Variants in ATRX observed in about 807,000 individuals in gnomAD.
ATRX encodes the protein chromatin remodeler ATRX.
ATRX carries 12 observed loss-of-function variants against 172.6 expected under a neutral mutation model. The ratio of observed to expected loss-of-function variants is 0.07; its 90% CI spans 0.04 to 0.11. ATRX has a LOEUF of 0.11. ATRX is among the 10% of genes least tolerant of loss of function. The probability of loss-of-function intolerance (pLI) is 1.00; values close to 1 mark genes in which losing one functional copy is unlikely to be tolerated. For missense variants in ATRX, 1,368 were observed against 1,767.4 expected (o/e 0.77, Z 4.05); for synonymous variants, 674 against 594.7 (o/e 1.13, Z -1.94).
At chrX:77,694,123 GTTTA>G (rs1161003777) in intron 5 of ATRX, among the ~76,000 whole-genome samples, 186 bp from the exon 6 acceptor site, 2 of 112,118 alleles carry the variant, frequency 1.8e-5, no homozygotes, top group African/African-American at 3.2e-5. Flanking sequence ...GGTGTCAACA[GTTTA>G]TTTGTTGAAA....
In ATRX at chrX:77,600,552, T is replaced by G. The variant is rs45439799; in HGVS notation, c.5579A>C (p.Asn1860Thr). Residue 1860 changes from asparagine (N) to threonine (T), a missense_variant, in exon 23 of 35, where the codon AAT (asparagine) becomes ACT (threonine). Coordinates refer to ENST00000373344, the MANE Select transcript of ATRX (RefSeq NM_000489.6). ...TGCCTTTCCTCTTCCACCTTCACTA[T>G]TATTGCCCACACCTGATCAAAAGAA... is the stretch of plus-strand genomic sequence containing the variant. ...YLDHLTGVGNNSEGGRGKAGA... is the reference protein window; with the variant it reads ...YLDHLTGVGNTSEGGRGKAGA... 31 of 1,210,775 alleles carry G rather than the reference T, an allele frequency of 2.6e-5. No individual in the cohort carries two copies. Among genetic ancestry groups the G allele is most frequent in the Non-Finnish European group, 3.4e-5 (30 of 894,820 alleles).
intron 15 of ATRX, chrX:77,651,865 A>AG: frequency 2.7e-6 from 1 of 368,351 alleles, no homozygotes; most frequent in East Asian, 4.7e-5. Flanking sequence ...TCTAAAAAAA[A>AG]GAAATCTGTG....
intron 1 of ATRX, among the ~76,000 whole-genome samples, chrX:77,759,820 T>C (rs1375777416): frequency 8.9e-6 from 1 of 112,055 alleles, no homozygotes; most frequent in Non-Finnish European, 1.9e-5. Context: ...ATTTCAAATA[T>C]ATATTTAAAT....
intron 22 of ATRX, among the ~76,000 whole-genome samples, chrX:77,609,586 C>T (rs2067066554): frequency 8.9e-6 from 1 of 112,244 alleles, no homozygotes; most frequent in Non-Finnish European, 1.9e-5. Context: ...CAGATTCAAG[C>T]GATTCTCCTG....
chrX:77,540,866 A>G (rs782387851), intron 30 of ATRX, among the ~76,000 whole-genome samples: 44 of 112,170 alleles, frequency 3.9e-4, no homozygotes, highest in Middle Eastern at 4.6e-3. Flanking sequence ...AGACAGCAGG[A>G]AAGATCTAAA....
chrX:77,736,154 G>A (rs1005554865), intron 1 of ATRX, among the ~76,000 whole-genome samples: 1 of 111,601 alleles, frequency 9.0e-6, no homozygotes, highest in African/African-American at 3.3e-5. Flanking sequence ...CCATTAGTCT[G>A]GGCAAAATTT....
rs182832258 is a variant in ATRX at position 77,528,196 on chromosome X, C to T, written c.6700-4795G>A. Among the ~76,000 whole-genome samples, 10 of 111,173 alleles carry T rather than the reference C, an allele frequency of 9.0e-5. No individual in the cohort carries two copies. The South Asian group carries it at 2.7e-3, about 30-fold the overall frequency. ...GCTGCCTTGCCAGATTGTAGCCAGA[C>T]TGCTTCTTTGACAGGTCCCGACCCA... On this transcript the variant is annotated intron_variant, in intron 30 of 34. Coordinates refer to ENST00000373344, the MANE Select transcript of ATRX (RefSeq NM_000489.6).
At chrX:77,550,865 G>A (rs1260977663) in intron 30 of ATRX, among the ~76,000 whole-genome samples, 2 of 110,452 alleles carry the variant, frequency 1.8e-5, no homozygotes, top group Admixed American at 9.7e-5. Context: ...CCCATTCTCA[G>A]TTGCTTCAAA....
At chrX:77,689,846 C>A (rs188358229) in intron 6 of ATRX, among the ~76,000 whole-genome samples, 29 of 112,108 alleles carry the variant, frequency 2.6e-4, no homozygotes, top group Non-Finnish European at 4.9e-4. Context: ...GCAACCAAGA[C>A]CTTGATCAAA....
intron 27 of ATRX, among the ~76,000 whole-genome samples, chrX:77,581,286 T>A (rs1557073776): frequency 9.0e-6 from 1 of 111,410 alleles, no homozygotes; most frequent in African/African-American, 3.3e-5. Flanking sequence ...CAATGGATTT[T>A]AAAAAATACC....
chrX:77,591,525 A>T (rs2066253399), intron 26 of ATRX, among the ~76,000 whole-genome samples: 1 of 112,260 alleles, frequency 8.9e-6, no homozygotes. Flanking sequence ...CAGATTTAGT[A>T]GAACTGAAAA....
intron 22 of ATRX, among the ~76,000 whole-genome samples, chrX:77,602,792 T>G (rs2066730163): frequency 9.0e-6 from 1 of 111,123 alleles, no homozygotes; most frequent in South Asian, 3.9e-4. Context: ...AAGAGGAATG[T>G]TTTAATGATA....
intron 9 of ATRX, among the ~76,000 whole-genome samples, chrX:77,677,682 C>A (rs1432913385): frequency 1.0e-3 from 95 of 94,327 alleles, no homozygotes; most frequent in African/African-American, 3.3e-3. Context: ...TTTTTTTTTA[C>A]AAATTTCTGT....
At chrX:77,678,953 G>A in intron 9 of ATRX, among the ~76,000 whole-genome samples, 1 of 110,506 alleles carries the variant, frequency 9.0e-6, no homozygotes, top group African/African-American at 3.3e-5. Flanking sequence ...CGAATAAACT[G>A]GAATCCTCTA....
chrX:77,673,237 T>G (rs2070713881), intron 10 of ATRX, among the ~76,000 whole-genome samples: 1 of 111,390 alleles, frequency 9.0e-6, no homozygotes, highest in African/African-American at 3.2e-5. Flanking sequence ...AAATAAATTA[T>G]ATGAATAGAT....
intron 27 of ATRX, among the ~76,000 whole-genome samples, chrX:77,587,338 A>G (rs1557077687): frequency 9.0e-6 from 1 of 111,384 alleles, no homozygotes; most frequent in Non-Finnish European, 1.9e-5. Flanking sequence ...AAAGTAATAC[A>G]CTATGTTAAT....
chrX:77,572,840 G>C (rs782334556), intron 28 of ATRX, among the ~76,000 whole-genome samples: 2 of 111,394 alleles, frequency 1.8e-5, no homozygotes, highest in Non-Finnish European at 3.8e-5. Context: ...CTTAGGCTAC[G>C]GGTTTTCAAT....
chrX:77,670,517 G>T (rs1474994326), intron 10 of ATRX, among the ~76,000 whole-genome samples: 1 of 111,812 alleles, frequency 8.9e-6, no homozygotes, highest in Non-Finnish European at 1.9e-5. Context: ...CAATTTGGGA[G>T]GCCAAGGCAG....
At chrX:77,523,559 A>C in intron 30 of ATRX, among the ~76,000 whole-genome samples, 158 bp from the exon 31 acceptor site, 1 of 112,029 alleles carries the variant, frequency 8.9e-6, no homozygotes, top group East Asian at 2.8e-4. Flanking sequence ...GCAGCAAAAC[A>C]TGTAACACCA....
Sources: allele counts gnomAD v4.1 joint callset (sites outside exome capture counted in the v4.1 genomes callset), GRCh38; gene constraint gnomAD v4.1.1; transcripts MANE v1.5; gene names NCBI Gene and HGNC (gene_info 2026-07-23, HGNC 2026-07-21).